The following TNKS variants were observed in gnomAD, a reference collection of about 807,000 sequenced individuals.
TNKS encodes tankyrase, also known as poly [ADP-ribose] polymerase tankyrase-1.
TNKS carries 72 observed loss-of-function variants against 135.8 expected under a neutral mutation model. The ratio of observed to expected loss-of-function variants is 0.53; its 90% CI spans 0.44 to 0.64. The LOEUF (loss-of-function observed/expected upper bound fraction) is 0.64, where lower values mean the gene tolerates loss of function less well. Ranked by LOEUF, TNKS falls within the 30% of genes least tolerant of loss-of-function variation. The probability of loss-of-function intolerance (pLI) is 0.00; values close to 1 mark genes in which losing one functional copy is unlikely to be tolerated. For missense variants in TNKS, 1,769 were observed against 1,674.0 expected, an observed-to-expected ratio of 1.06 and a Z score of -0.99; for synonymous variants, 849 against 649.3, an observed-to-expected ratio of 1.31 and a Z score of -4.68.
intron 26 of TNKS, among the ~76,000 whole-genome samples, chr8:9,771,076 G>A (rs1237896225): frequency 6.6e-6 from 1 of 152,000 alleles, no homozygotes; most frequent in South Asian, 2.1e-4. Flanking sequence ...AAATTTATGG[G>A]TAAGTAGTAA....
chr8:9,730,815 A>C (rs937101090), intron 13 of TNKS, 75 bp from the exon 14 acceptor site: 5 of 1,506,552 alleles, frequency 3.3e-6, no homozygotes, highest in Non-Finnish European at 4.5e-6. Context: ...AAGATGTTGA[A>C]CTATTTTGGG....
intron 5 of TNKS, among the ~76,000 whole-genome samples, chr8:9,689,225 A>G (rs1465747205): frequency 1.3e-5 from 2 of 152,166 alleles, no homozygotes; most frequent in African/African-American, 4.8e-5. Flanking sequence ...CCATTCACTC[A>G]TCTCATTCAG....
At chr8:9,573,111 A>G (rs1015111133) in intron 1 of TNKS, among the ~76,000 whole-genome samples, 6 of 152,124 alleles carry the variant, frequency 3.9e-5, no homozygotes, top group Non-Finnish European at 7.3e-5. Flanking sequence ...AATGATGAAC[A>G]AGTCACATTT....
intron 1 of TNKS, among the ~76,000 whole-genome samples, chr8:9,570,565 A>G (rs748347969): frequency 5.3e-5 from 8 of 152,172 alleles, no homozygotes; most frequent in Admixed American, 1.3e-4. Context: ...TTTTCACTTG[A>G]CAGCCTCCCC....
At chr8:9,631,462 A>C (rs1800284638) in intron 3 of TNKS, among the ~76,000 whole-genome samples, 1 of 152,208 alleles carries the variant, frequency 6.6e-6, no homozygotes, top group Non-Finnish European at 1.5e-5. Context: ...TCTATAAAAT[A>C]AGTTATCTAG....
At chr8:9,564,146 C>T (rs1462443828) in intron 1 of TNKS, among the ~76,000 whole-genome samples, 11 of 152,108 alleles carry the variant, frequency 7.2e-5, no homozygotes, top group Admixed American at 7.2e-4. Context: ...GTGCTAAGGG[C>T]ATTTTATAGA....
At chr8:9,696,707 C>T (rs969305267) in intron 5 of TNKS, among the ~76,000 whole-genome samples, 4 of 151,972 alleles carry the variant, frequency 2.6e-5, no homozygotes, top group African/African-American at 9.7e-5. Context: ...ACAGTAGCCA[C>T]AAATAAAATG....
intron 5 of TNKS, among the ~76,000 whole-genome samples, chr8:9,704,395 A>T (rs1314964101): frequency 1.3e-5 from 2 of 152,162 alleles, no homozygotes; most frequent in Non-Finnish European, 2.9e-5. Context: ...GGAAAGAAAT[A>T]GGAAATCATG....
At chr8:9,645,505 C>T (rs1234527874) in intron 3 of TNKS, among the ~76,000 whole-genome samples, 1 of 152,136 alleles carries the variant, frequency 6.6e-6, no homozygotes, top group Admixed American at 6.5e-5. Context: ...CCCATACTCT[C>T]ACTCTGACGT....
At chr8:9,573,363 G>C (rs1797832215) in intron 1 of TNKS, among the ~76,000 whole-genome samples, 1 of 152,214 alleles carries the variant, frequency 6.6e-6, no homozygotes, top group South Asian at 2.1e-4. Flanking sequence ...GTAAGGTATA[G>C]AAAGAGCTTG....
intron 26 of TNKS, among the ~76,000 whole-genome samples, chr8:9,771,602 G>A (rs1423415156): frequency 1.6e-5 from 2 of 125,142 alleles, no homozygotes; most frequent in South Asian, 3.0e-4. Context: ...AGGAAAGAAA[G>A]AAGGGAGGAA....
At chr8:9,586,453 C>A (rs996622129) in intron 2 of TNKS, among the ~76,000 whole-genome samples, 1 of 151,880 alleles carries the variant, frequency 6.6e-6, no homozygotes, top group Non-Finnish European at 1.5e-5. Flanking sequence ...TTCAGGGACT[C>A]CTTGTTATAA....
At chr8:9,745,519 C>G (rs1439577789) in intron 17 of TNKS, among the ~76,000 whole-genome samples, 2 of 152,140 alleles carry the variant, frequency 1.3e-5, no homozygotes, top group Admixed American at 6.5e-5. Context: ...ATTCTCCTGC[C>G]TCAGCCTCCC....
intron 3 of TNKS, among the ~76,000 whole-genome samples, chr8:9,663,155 G>C (rs529662664): frequency 6.6e-6 from 1 of 152,284 alleles, no homozygotes; most frequent in African/African-American, 2.4e-5. Context: ...TCCCCTAGAG[G>C]CTCCGAAGGA....
At chr8:9,719,427 A>G (rs1003820392) in intron 11 of TNKS, among the ~76,000 whole-genome samples, 1 of 152,242 alleles carries the variant, frequency 6.6e-6, no homozygotes, top group African/African-American at 2.4e-5. Context: ...ACATGCACTC[A>G]TATTCTCAAT....
At chr8:9,567,982 TCTATTGTC>T (rs1407562643) in intron 1 of TNKS, among the ~76,000 whole-genome samples, 1 of 152,176 alleles carries the variant, frequency 6.6e-6, no homozygotes, top group African/African-American at 2.4e-5. Context: ...TTTTAGCCTC[TCTATTGTC>T]CTGGAGCGTT....
rs967150811 is a variant in TNKS, at chr8:9,575,485, GAT to G, written c.674-4672_674-4671del. On this transcript the variant is annotated intron_variant, in intron 1 of 26. Coordinates refer to ENST00000310430, the MANE Select transcript of TNKS (RefSeq NM_003747.3). ...ACAAACTGACCAACCAAAAAGAAAA[GAT>G]AAGGAAAAATAAAAATAAAAATTTC... is the stretch of plus-strand genomic sequence containing the variant. 96 of 936,168 alleles carry G rather than the reference GAT, an allele frequency of 1.0e-4. 1 individual carries two copies. The highest frequency in any genetic ancestry group is 1.2e-4 in the Non-Finnish European group (92 of 785,362). 58.0% of individuals were successfully genotyped at this position (936,168 alleles called of 1,614,324 possible). A position where few individuals can be genotyped will look rare whatever the true frequency, so the allele number is the denominator to read the frequency against.
At chr8:9,698,504 C>G (rs999059287) in intron 5 of TNKS, among the ~76,000 whole-genome samples, 3 of 151,090 alleles carry the variant, frequency 2.0e-5, no homozygotes, top group Non-Finnish European at 4.4e-5. Flanking sequence ...TATCTTTAAT[C>G]TGTAAAACAT....
intron 11 of TNKS, among the ~76,000 whole-genome samples, chr8:9,711,873 T>A (rs115214340): frequency 0.011 from 1,671 of 152,296 alleles, 11 homozygotes; most frequent in African/African-American, 0.023. Flanking sequence ...CATATCTACA[T>A]AATTTAAACA....
Sources: allele counts gnomAD v4.1 joint callset (sites outside exome capture counted in the v4.1 genomes callset), GRCh38; gene constraint gnomAD v4.1.1; transcripts MANE v1.5; gene names NCBI Gene and HGNC (gene_info 2026-07-23, HGNC 2026-07-21).